The following KCNMB3 variants were observed in gnomAD, a reference collection of about 807,000 sequenced individuals.
KCNMB3 encodes calcium-activated potassium channel subunit beta-3.
A neutral mutation model predicts 11.9 loss-of-function variants in KCNMB3; 18 were observed. The ratio of observed to expected loss-of-function variants is 1.51; its 90% CI spans 1.04 to 2.23. KCNMB3 has a LOEUF of 2.23. Ranked by LOEUF, KCNMB3 falls within the 30% of genes most tolerant of loss-of-function variation. KCNMB3 has a pLI of 0.00. For missense variants in KCNMB3, 247 were observed against 329.4 expected, an observed-to-expected ratio of 0.75 and a Z score of 1.94; for synonymous variants, 78 against 119.2, an observed-to-expected ratio of 0.65 and a Z score of 2.25.
chr3:179,251,273 C>T (rs1725835012), upstream of KCNMB3: 12 of 1,453,302 alleles, frequency 8.3e-6, no homozygotes, highest in South Asian at 1.5e-5. Context: ...GGATATTGCA[C>T]GTCCCTCCTG....
intron 1 of KCNMB3, among the ~76,000 whole-genome samples, chr3:179,264,690 C>T (rs1441644455): frequency 6.6e-6 from 1 of 152,180 alleles, no homozygotes; most frequent in African/African-American, 2.4e-5. Flanking sequence ...AGCCAGCAGC[C>T]TCTCCCTCCA....
chr3:179,242,800 A>C lies in KCNMB3; in HGVS notation c.*104T>G, dbSNP rs1372116416. On this transcript the variant is annotated 3_prime_UTR_variant, in exon 3 of 3. Transcript: ENST00000392685. ...TTCCCACATGAAAATATGATACTTT[A>C]ATTATTACCTTTTACATTATTAGTT... 1 of 1,447,946 alleles carries C rather than the reference A, an allele frequency of 6.9e-7. No individual in the cohort carries two copies. Among genetic ancestry groups the C allele is most frequent in the Non-Finnish European group, 9.1e-7 (1 of 1,095,952 alleles). 89.7% of individuals were successfully genotyped at this position (1,447,946 alleles called of 1,614,324 possible).
At chr3:179,264,970 A>G (rs1177591319) in intron 1 of KCNMB3, among the ~76,000 whole-genome samples, 1 of 152,360 alleles carries the variant, frequency 6.6e-6, no homozygotes, top group African/African-American at 2.4e-5. Flanking sequence ...CATCAAGTTC[A>G]GCAAGAGGAA....
At chr3:179,242,030 C>G (rs1181181919), downstream of KCNMB3, 2 of 154,084 alleles carry the variant, frequency 1.3e-5, no homozygotes, top group African/African-American at 4.8e-5. Context: ...CATGACAAGG[C>G]TAAATACTAG....
intron 1 of KCNMB3, among the ~76,000 whole-genome samples, chr3:179,256,776 A>G (rs911143309): frequency 6.6e-6 from 1 of 152,232 alleles, no homozygotes; most frequent in Non-Finnish European, 1.5e-5. Flanking sequence ...AGTCAGGACA[A>G]ATAGCACAAA....
chr3:179,263,297 C>G (rs1456278414), intron 1 of KCNMB3, among the ~76,000 whole-genome samples: 1 of 152,270 alleles, frequency 6.6e-6, no homozygotes, highest in Non-Finnish European at 1.5e-5. Context: ...CGGTCGGCCA[C>G]TCGGAGTGCT....
At chr3:179,260,353 C>A in intron 1 of KCNMB3, 4 of 1,614,036 alleles carry the variant, frequency 2.5e-6, no homozygotes, top group Non-Finnish European at 3.4e-6. Flanking sequence ...TAGGTAGCAC[C>A]TGCTAAGGTT....
intron 1 of KCNMB3, among the ~76,000 whole-genome samples, chr3:179,246,056 G>A (rs1290772426): frequency 6.6e-6 from 1 of 152,204 alleles, no homozygotes; most frequent in Non-Finnish European, 1.5e-5. Flanking sequence ...GTGGACTCCT[G>A]TGTTTACTTA....
intron 1 of KCNMB3, among the ~76,000 whole-genome samples, chr3:179,250,417 C>G (rs1725794614): frequency 6.6e-6 from 1 of 152,188 alleles, no homozygotes; most frequent in Admixed American, 6.5e-5. Context: ...AGGTTTAACT[C>G]TCTCTTGGAA....
In KCNMB3 at chr3:179,259,195, C is replaced by T. The variant is rs192545252; in HGVS notation, c.62+7454G>A. The T allele has an allele frequency of 4.5e-4, 691 of 1,548,138 alleles. 3 individuals are homozygous for T. The highest frequency in any genetic ancestry group is 7.9e-5 in the Non-Finnish European group (91 of 1,153,156). ...GTCTGACTTGGATGTTCTGACATCC[C>T]ACACCTCTCTGTACTTTCTGCTTCA... On this transcript the variant is annotated intron_variant, in intron 1 of 3. Transcript: ENST00000349697.
Position 179,243,101 on chromosome 3 carries a change from A to T in KCNMB3, c.631T>A (p.Phe211Ile), listed in dbSNP as rs887759793. Residue 211 changes from phenylalanine (F) to isoleucine (I), a missense_variant, in exon 3 of 3, where the codon TTT (phenylalanine) becomes ATT (isoleucine). Phe to Ile is a conservative substitution (Grantham distance 21). This residue lies in a region of KCNMB3 where 87 missense variants were observed against 171.9 expected (regional missense o/e 0.51). Transcript: ENST00000392685. ...YDQMAIFHCL[F>I]WPSLTLLGGA... The stretch of plus-strand genomic sequence containing the variant: ...CCTAGCAGAGTCAGTGAAGGCCAAA[A>T]TAAACAGTGGAAGATAGCCATTTGG... 3.2e-6 allele frequency: 5 copies of T among 1,547,874 alleles called. No homozygotes were observed. In the African/African-American group the frequency reaches 6.9e-5, roughly 21 times the overall value.
intron 1 of KCNMB3, among the ~76,000 whole-genome samples, chr3:179,257,721 CT>C (rs765359840): frequency 1.3e-5 from 2 of 151,828 alleles, no homozygotes; most frequent in Non-Finnish European, 1.5e-5. Context: ...AAAACTTTTT[CT>C]TTTTTTTAGA....
downstream of KCNMB3, chr3:179,240,233 C>A (rs1447148516): frequency 5.7e-6 from 3 of 528,706 alleles, no homozygotes; most frequent in Admixed American, 3.6e-5. Context: ...TCAGTAATGA[C>A]TAAGAATACT....
Position 179,242,928 on chromosome 3 carries a change from GCTC to G in KCNMB3, c.801_803del (p.Arg267del), listed in dbSNP as rs746302032. The G allele has an allele frequency of 5.0e-6, 8 of 1,606,126 alleles. No individual in the cohort carries two copies. The highest frequency in any genetic ancestry group is 6.8e-6 in the Non-Finnish European group (8 of 1,176,366). On this transcript the variant is annotated inframe_deletion, in exon 3 of 3. Coordinates refer to ENST00000392685, the MANE Select transcript of KCNMB3 (RefSeq NM_171830.2). Reference sequence around the variant, plus strand: ...CTTAAGATTTCTCTGCTCTTCCTTTGCTCCTCCTCATAATGCACAGTTTGAACT... The same window carrying G: ...CTTAAGATTTCTCTGCTCTTCCTTTGCTCCTCATAATGCACAGTTTGAACT...
At position 179,261,121 on chromosome 3, in the gene KCNMB3, C is replaced by T; in HGVS notation, c.62+5528G>A. 4 of 1,283,872 alleles carry T rather than the reference C, an allele frequency of 3.1e-6. No homozygotes were observed. The Admixed American group carries it at 5.9e-5, about 19-fold the overall frequency. 79.5% of individuals were successfully genotyped at this position (1,283,872 alleles called of 1,614,324 possible). On this transcript the variant is annotated intron_variant, in intron 1 of 3. Transcript: ENST00000349697. ...AATATTTTTCTGGTCTCTCTTCTAC[C>T]TCCTTCTGCTGCCGCTCCAGCTCCT...
At chr3:179,255,057 C>T (rs1001837581), upstream of KCNMB3, among the ~76,000 whole-genome samples, 1 of 151,594 alleles carries the variant, frequency 6.6e-6, no homozygotes, top group Non-Finnish European at 1.5e-5. Context: ...CCCAGCTACT[C>T]GGGAGGCTGA....
chr3:179,249,012 T>TTC (rs1725742366), intron 1 of KCNMB3, among the ~76,000 whole-genome samples: 1 of 140,276 alleles, frequency 7.1e-6, no homozygotes, highest in African/African-American at 2.6e-5. Context: ...CGTCTCTTTT[T>TTC]TTTTTTTTTT....
At chr3:179,253,290 A>T (rs907700155), upstream of KCNMB3, among the ~76,000 whole-genome samples, 1 of 152,118 alleles carries the variant, frequency 6.6e-6, no homozygotes, top group Non-Finnish European at 1.5e-5. Flanking sequence ...AACATACCCA[A>T]TTATAATGGT....
upstream of KCNMB3, among the ~76,000 whole-genome samples, chr3:179,253,129 T>C (rs1457365794): frequency 1.3e-5 from 2 of 152,194 alleles, no homozygotes; most frequent in African/African-American, 4.8e-5. Context: ...GGACCCAATA[T>C]CCTGCATTTT....
Sources: allele counts gnomAD v4.1 joint callset (sites outside exome capture counted in the v4.1 genomes callset), GRCh38; gene constraint gnomAD v4.1.1; regional missense constraint gnomAD v4.1.1; transcripts MANE v1.5; gene names NCBI Gene and HGNC (gene_info 2026-07-23, HGNC 2026-07-21).